The following ASRGL1 variants were observed in gnomAD, a reference collection of about 807,000 sequenced individuals.
ASRGL1 encodes the protein isoaspartyl peptidase/L-asparaginase.
A neutral mutation model predicts 22.4 loss-of-function variants in ASRGL1; 16 were observed. That is an observed-to-expected ratio of 0.71 (90% CI 0.48 to 1.08). The LOEUF is 1.08. Ranked by LOEUF, ASRGL1 falls within the 50% of genes least tolerant of loss-of-function variation. The pLI is 0.00. For missense variants in ASRGL1, 412 were observed against 410.1 expected (o/e 1.00, Z -0.04); for synonymous variants, 165 against 159.3 (o/e 1.04, Z -0.27).
chr11:62,371,349 G>A, intron 4 of ASRGL1: 5 of 974,502 alleles, frequency 5.1e-6, no homozygotes, highest in Non-Finnish European at 7.2e-6. Context: ...GCGCGGCGCA[G>A]CCTGTGGCAG....
chr11:62,369,884 G>A (rs1412078080), intron 4 of ASRGL1, among the ~76,000 whole-genome samples: 1 of 152,102 alleles, frequency 6.6e-6, no homozygotes, highest in African/African-American at 2.4e-5. Context: ...AAGCTCATGA[G>A]CCTATCTTCC....
chr11:62,381,921 G>T, intron 4 of ASRGL1: 1 of 152,862 alleles, frequency 6.5e-6, no homozygotes, highest in South Asian at 1.8e-4. Flanking sequence ...ACCCACGTTG[G>T]GCACCAGATG....
chr11:62,384,318 G>C (rs551135346), intron 4 of ASRGL1, among the ~76,000 whole-genome samples: 151 of 152,070 alleles, frequency 9.9e-4, no homozygotes, highest in African/African-American at 3.5e-3. Context: ...GCCTGGCCAA[G>C]ATGGTGAAAC....
At chr11:62,338,314 C>A in intron 2 of ASRGL1, 147 bp downstream of exon 2, 2 of 948,686 alleles carry the variant, frequency 2.1e-6, no homozygotes, top group Non-Finnish European at 1.5e-6. Context: ...AATTTTTCTA[C>A]CTGTGCTGAA....
At chr11:62,351,494 A>G (rs1450874158) in intron 2 of ASRGL1, among the ~76,000 whole-genome samples, 1 of 152,032 alleles carries the variant, frequency 6.6e-6, no homozygotes, top group Non-Finnish European at 1.5e-5. Flanking sequence ...TACTAAAAAT[A>G]CAAAAATTAG....
intron 4 of ASRGL1, among the ~76,000 whole-genome samples, chr11:62,387,973 T>C (rs866459269): frequency 9.9e-5 from 15 of 152,192 alleles, no homozygotes; most frequent in African/African-American, 3.4e-4. Flanking sequence ...AAATGCATAG[T>C]TGGGCAATTT....
At chr11:62,370,784 C>T (rs986907206) in intron 4 of ASRGL1, among the ~76,000 whole-genome samples, 1 of 152,116 alleles carries the variant, frequency 6.6e-6, no homozygotes, top group Non-Finnish European at 1.5e-5. Flanking sequence ...CAAACTAAAA[C>T]TTCTGTGTCT....
At position 62,372,268 on chromosome 11, in the gene ASRGL1, C is replaced by T. The variant is rs544118883; in HGVS notation, c.491+15124C>T. 1.9e-5 allele frequency: 30 copies of T among 1,598,070 alleles called. No individual in the cohort carries two copies. The African/African-American group carries it at 2.8e-4, about 15-fold the overall frequency. ...AACCACACCTTGGCCTTGACGGAAA[C>T]GGGCTCCGTGTTTGCGTTTGGGGAA... On this transcript the variant is annotated intron_variant, in intron 4 of 6. Coordinates refer to ENST00000415229, the MANE Select transcript of ASRGL1 (RefSeq NM_001083926.2).
At chr11:62,362,813 T>TACGCACACACAC (rs1415438523) in intron 4 of ASRGL1, among the ~76,000 whole-genome samples, 2 of 83,876 alleles carry the variant, frequency 2.4e-5, no homozygotes, top group African/African-American at 9.0e-5. Flanking sequence ...TTATCTGACA[T>TACGCACACACAC]ACACACACAC....
At chr11:62,359,420 T>G (rs1316633419) in intron 4 of ASRGL1, among the ~76,000 whole-genome samples, 1 of 151,918 alleles carries the variant, frequency 6.6e-6, no homozygotes, top group Non-Finnish European at 1.5e-5. Flanking sequence ...CACTCCAGCC[T>G]GGGCAACAAG....
chr11:62,356,911 T>TTGCACC lies in ASRGL1; in HGVS notation c.334-76_334-75insTGCACC. The TTGCACC allele has an allele frequency of 2.7e-6, 4 of 1,471,768 alleles. No homozygotes were observed. In the East Asian group the frequency reaches 6.9e-5, roughly 25 times the overall value. 91.2% of individuals were successfully genotyped at this position (1,471,768 alleles called of 1,614,324 possible). ...TTGCACCCAGAGAGAAGTAATTATT[T>TTGCACC]CAACACAGTTGGAACAGTTAAAAAG... On this transcript the variant is annotated intron_variant, in intron 3 of 6. Transcript: ENST00000415229.
rs1344055752 is a variant in ASRGL1 at position 62,338,093 on chromosome 11, G to A, written c.116G>A (p.Arg39Gln). 8.1e-6 allele frequency: 13 copies of A among 1,606,974 alleles called. No individual in the cohort carries two copies. The South Asian group carries it at 1.3e-4, about 17-fold the overall frequency. The part of the protein sequence containing the change: ...RAATVGYGIL[R>Q]EGGSAVDAVE... ...GCCACCGTGGGCTACGGCATCCTCCGGGAGGGCGGGAGCGCCGTGGATGCC... is the reference window on the plus strand; with the variant it reads ...GCCACCGTGGGCTACGGCATCCTCCAGGAGGGCGGGAGCGCCGTGGATGCC... The change falls in exon 2 of 7, where the codon CGG becomes CAG. Residue 39 changes from arginine (R) to glutamine (Q), a missense_variant. Arg to Gln is a conservative substitution (Grantham distance 43, BLOSUM62 1). Transcript: ENST00000415229.
At chr11:62,362,727 A>AT (rs1946503627) in intron 4 of ASRGL1, among the ~76,000 whole-genome samples, 1 of 89,668 alleles carries the variant, frequency 1.1e-5, no homozygotes, top group African/African-American at 3.8e-5. Context: ...TATGTTATAT[A>AT]TAAAATATAA....
At chr11:62,373,182 C>A in intron 4 of ASRGL1, 1 of 1,118,872 alleles carries the variant, frequency 8.9e-7, no homozygotes. Context: ...CTGATGCTCC[C>A]AGAGACTCCT....
intron 4 of ASRGL1, among the ~76,000 whole-genome samples, chr11:62,387,663 C>G (rs1947247294): frequency 6.6e-6 from 1 of 152,208 alleles, no homozygotes. Flanking sequence ...CAGCACCTCC[C>G]CACCATCACT....
intron 3 of ASRGL1, among the ~76,000 whole-genome samples, chr11:62,356,763 T>C (rs975060981): frequency 6.6e-6 from 1 of 152,206 alleles, no homozygotes; most frequent in Non-Finnish European, 1.5e-5. Flanking sequence ...TTAACGTATA[T>C]GTAAATCGCA....
At chr11:62,352,314 G>A (rs1345065352) in intron 2 of ASRGL1, among the ~76,000 whole-genome samples, 4 of 152,186 alleles carry the variant, frequency 2.6e-5, no homozygotes, top group African/African-American at 9.6e-5. Flanking sequence ...GGCTGGGCAC[G>A]GTGGCTCACG....
At chr11:62,355,152 G>A (rs10792345) in intron 2 of ASRGL1, among the ~76,000 whole-genome samples, 51,109 of 151,900 alleles carry the variant, frequency 0.34, 9,971 homozygotes, top group Middle Eastern at 0.48. Context: ...TTCTGACCTC[G>A]AGTGATCCGC....
intron 4 of ASRGL1, among the ~76,000 whole-genome samples, chr11:62,358,758 C>T (rs1219749573): frequency 6.6e-6 from 1 of 152,208 alleles, no homozygotes; most frequent in Admixed American, 6.5e-5. Context: ...GAAATCTCCA[C>T]ATCCGTTGCT....
Sources: gnomAD v4.1 joint callset for allele counts (sites outside exome capture counted in the v4.1 genomes callset) on GRCh38, gnomAD v4.1.1 for gene constraint, MANE v1.5 for transcripts, NCBI Gene and HGNC (gene_info 2026-07-23, HGNC 2026-07-21) for gene names.